Variants in OTOG observed in about 807,000 individuals in gnomAD.
The protein encoded by OTOG is otogelin.
Under a neutral mutation model 313.8 loss-of-function variants are expected in OTOG, and 296 were observed. That is an observed-to-expected ratio of 0.94 (90% CI 0.86 to 1.04). OTOG has a LOEUF of 1.04. Among genes scored for constraint, OTOG ranks in the 50% least tolerant of loss-of-function variants. The pLI, the probability that OTOG is intolerant of heterozygous loss-of-function variation, is 0.00. For missense variants in OTOG, 3,948 were observed against 3,840.1 expected (o/e 1.03, Z -0.74); for synonymous variants, 1,533 against 1,554.9 (o/e 0.99, Z 0.33).
chr11:17,624,324 T>C (rs1291413055), intron 39 of OTOG, among the ~76,000 whole-genome samples: 1 of 152,224 alleles, frequency 6.6e-6, no homozygotes, highest in Non-Finnish European at 1.5e-5. Flanking sequence ...TAAGTTAATA[T>C]TTGTATATGG....
intron 6 of OTOG, among the ~76,000 whole-genome samples, chr11:17,555,021 T>C (rs936169312): frequency 1.1e-4 from 16 of 152,232 alleles, no homozygotes; most frequent in African/African-American, 3.9e-4. Flanking sequence ...CAGTTCCCAC[T>C]TGTAGTTGAA....
intron 39 of OTOG, among the ~76,000 whole-genome samples, chr11:17,627,230 T>C (rs1342418475): frequency 6.6e-6 from 1 of 152,196 alleles, no homozygotes; most frequent in African/African-American, 2.4e-5. Context: ...TTTTCCCCCA[T>C]TCAATATGAT....
chr11:17,555,010 A>C (rs1216497973), intron 6 of OTOG, among the ~76,000 whole-genome samples: 1 of 152,220 alleles, frequency 6.6e-6, no homozygotes, highest in Non-Finnish European at 1.5e-5. Context: ...GGTAGCTTTC[A>C]CAGTTCCCAC....
At chr11:17,594,369 G>T (rs1312581667) in intron 28 of OTOG, among the ~76,000 whole-genome samples, 1 of 152,144 alleles carries the variant, frequency 6.6e-6, no homozygotes, top group African/African-American at 2.4e-5. Flanking sequence ...AAATCCAGCT[G>T]CCCACCCTAC....
At chr11:17,586,737 C>T (rs1448750275) in intron 24 of OTOG, among the ~76,000 whole-genome samples, 156 bp downstream of exon 24, 15 of 152,176 alleles carry the variant, frequency 9.9e-5, no homozygotes, top group Non-Finnish European at 1.2e-4. Flanking sequence ...TTTGTGTACA[C>T]ATAGGAGTAT....
At chr11:17,624,819 T>C (rs1009224968) in intron 39 of OTOG, among the ~76,000 whole-genome samples, 2 of 152,214 alleles carry the variant, frequency 1.3e-5, no homozygotes, top group Non-Finnish European at 2.9e-5. Context: ...GTTTGTGTCA[T>C]CTGTGATTTA....
intron 15 of OTOG, among the ~76,000 whole-genome samples, chr11:17,563,854 GTTT>G (rs61373849): frequency 1.9e-5 from 2 of 106,612 alleles, no homozygotes; most frequent in Admixed American, 9.8e-5. Context: ...CTAGTTTTTG[GTTT>G]TTTTTTTTTT....
At chr11:17,589,409 C>G (rs1852879021) in intron 24 of OTOG, among the ~76,000 whole-genome samples, 1 of 152,128 alleles carries the variant, frequency 6.6e-6, no homozygotes, top group African/African-American at 2.4e-5. Context: ...AGAGAACTTT[C>G]CAGGCTCTGT....
chr11:17,569,781 GT>G, intron 16 of OTOG, among the ~76,000 whole-genome samples: 1 of 152,148 alleles, frequency 6.6e-6, no homozygotes, highest in Non-Finnish European at 1.5e-5. Context: ...GGTATAAAAT[GT>G]TCTACAATAA....
rs1262315356 is a variant in OTOG, at chr11:17,610,816, C to T, written c.5516C>T (p.Thr1839Ile). Residue 1839 changes from threonine (T) to isoleucine (I), a missense_variant, in exon 36 of 56, where the codon ACT (threonine) becomes ATT (isoleucine). Transcript: ENST00000399397. ...ITTPLQPQAT[T>I]LPAQTLSPVL... Reference sequence around the variant, plus strand: ...ACTCCACTCCAGCCACAGGCCACGACTCTGCCTGCTCAGACACTTAGCCCA... The same window carrying T: ...ACTCCACTCCAGCCACAGGCCACGATTCTGCCTGCTCAGACACTTAGCCCA... The T allele has an allele frequency of 3.2e-6, 5 of 1,550,802 alleles. No homozygotes were observed. Among genetic ancestry groups the T allele is most frequent in the Non-Finnish European group, 3.5e-6 (4 of 1,147,034 alleles).
intron 32 of OTOG, among the ~76,000 whole-genome samples, chr11:17,602,841 A>T (rs1853287765): frequency 1.3e-5 from 2 of 152,114 alleles, no homozygotes; most frequent in South Asian, 2.1e-4. Flanking sequence ...GATACAAGAG[A>T]CAAGGTCCCT....
chr11:17,560,601 G>A (rs1852158905), intron 12 of OTOG, 108 bp from the exon 13 acceptor site: 2 of 791,196 alleles, frequency 2.5e-6, no homozygotes. Flanking sequence ...TCGGTTCAGA[G>A]ATGAAAGAAG....
Position 17,605,842 on chromosome 11 carries a change from TGTG to T in OTOG, c.3878-12_3878-10del. The T allele has an allele frequency of 1.3e-6, 2 of 1,526,264 alleles. No individual in the cohort carries two copies. The highest frequency in any genetic ancestry group is 1.8e-6 in the Non-Finnish European group (2 of 1,131,856). 94.5% of individuals were successfully genotyped at this position (1,526,264 alleles called of 1,614,324 possible). On this transcript the variant is annotated splice_polypyrimidine_tract_variant and intron_variant, in intron 32 of 55. Transcript: ENST00000399397. Reference sequence around the variant, plus strand: ...CCTCTGCCTGTACTGACTCTCCCCATGTGGTTCTCTGCAGACCCAGATGTGGTG... The same window carrying T: ...CCTCTGCCTGTACTGACTCTCCCCATGTTCTCTGCAGACCCAGATGTGGTG...
chr11:17,571,971 T>C (rs1852414070), intron 17 of OTOG, 109 bp from the exon 18 acceptor site: 1 of 1,411,876 alleles, frequency 7.1e-7, no homozygotes, highest in Non-Finnish European at 9.6e-7. Context: ...GTGTAGATTA[T>C]GACTATGTGT....
chr11:17,643,585 A>G (rs1266958388), intron 54 of OTOG, 79 bp downstream of exon 54: 5 of 1,119,394 alleles, frequency 4.5e-6, no homozygotes, highest in Non-Finnish European at 5.9e-6. Context: ...ACAGAGGACC[A>G]GGTTCCTGGC....
intron 15 of OTOG, among the ~76,000 whole-genome samples, chr11:17,562,046 A>AAATATAT (rs1440986349): frequency 2.9e-5 from 4 of 139,830 alleles, no homozygotes; most frequent in East Asian, 2.1e-4. Context: ...CTAAAAAAAA[A>AAATATAT]ATATATATAT....
chr11:17,576,642 A>C lies in OTOG; in HGVS notation c.2561+12A>C, dbSNP rs1195036130. ...TCCCTGGGCCACTGGTGAGCTCCGT[A>C]GGTAGCAGCCTTCTTGTCCTCTCTT... On this transcript the variant is annotated intron_variant, in intron 21 of 55. Transcript: ENST00000399397. The C allele has an allele frequency of 6.5e-7, 1 of 1,543,612 alleles. No homozygotes were observed. The highest frequency in any genetic ancestry group is 8.8e-7 in the Non-Finnish European group (1 of 1,140,586).
At chr11:17,577,613 G>A (rs992564803) in intron 22 of OTOG, among the ~76,000 whole-genome samples, 1 of 152,094 alleles carries the variant, frequency 6.6e-6, no homozygotes, top group Non-Finnish European at 1.5e-5. Flanking sequence ...TTCCTCTTTG[G>A]CATATAACCT....
In OTOG at chr11:17,574,834, G is replaced by A. The variant is rs1730011410; in HGVS notation, c.2408G>A (p.Ser803Asn). 6.5e-7 allele frequency: 1 copy of A among 1,549,910 alleles called. No individual in the cohort carries two copies. The highest frequency in any genetic ancestry group is 2.0e-5 in the Admixed American group (1 of 50,904). Residue 803 changes from serine (S) to asparagine (N), a missense_variant, in exon 20 of 56, where the codon AGC becomes AAC. Transcript: ENST00000399397. ...ACGVDGGDDL[S>N]RDECVEGCAC... Reference sequence around the variant, plus strand: ...GGGGTTGATGGTGGCGATGACCTGAGCAGAGACGAGTGTGTGGAGGGCTGT... The same window carrying A: ...GGGGTTGATGGTGGCGATGACCTGAACAGAGACGAGTGTGTGGAGGGCTGT...
Sources: allele counts gnomAD v4.1 joint callset (sites outside exome capture counted in the v4.1 genomes callset), GRCh38; gene constraint gnomAD v4.1.1; transcripts MANE v1.5; gene names NCBI Gene and HGNC (gene_info 2026-07-23, HGNC 2026-07-21).